SMTN: variants seen among roughly 807,000 people sequenced by gnomAD.
The protein encoded by SMTN is smoothelin.
A neutral mutation model predicts 102.0 loss-of-function variants in SMTN; 58 were observed. The ratio of observed to expected loss-of-function variants is 0.57; its 90% CI spans 0.46 to 0.71. SMTN has a LOEUF of 0.71. Ranked by LOEUF, SMTN falls within the 30% of genes least tolerant of loss-of-function variation. The pLI is 0.00. For synonymous variants in SMTN, 478 were observed against 497.9 expected, an observed-to-expected ratio of 0.96 and a Z score of 0.53; for missense variants, 1,185 against 1,241.7, an observed-to-expected ratio of 0.95 and a Z score of 0.69.
At position 31,081,339 on chromosome 22, in the gene SMTN, C is replaced by G. The variant is rs1202274608; in HGVS notation, c.-198C>G. On this transcript the variant is annotated 5_prime_UTR_variant, in exon 1 of 21. Coordinates refer to ENST00000333137, the MANE Select transcript of SMTN (RefSeq NM_134269.3). ...CTCCGCAGAATCCAGGGGACGGTTG[C>G]TGAGCGGGCCTGGGACAGCGGGTCG... The G allele has an allele frequency of 6.6e-6, 1 of 152,238 alleles. No individual in the cohort carries two copies. Among genetic ancestry groups the G allele is most frequent in the African/African-American group, 2.4e-5 (1 of 41,442 alleles). The allele number at this position is 152,238 out of a possible 1,614,324, so 9.4% of individuals were successfully genotyped here.
At chr22:31,104,064 C>T (rs2044301982) in intron 20 of SMTN, 4 of 520,760 alleles carry the variant, frequency 7.7e-6, no homozygotes, top group Admixed American at 3.1e-5. Flanking sequence ...CCAGGACCTG[C>T]CTGACTGGGA....
chr22:31,091,818 C>A lies in SMTN; in HGVS notation c.1603C>A (p.Pro535Thr), dbSNP rs756557096. The part of the protein sequence containing the change: ...THVTSFSHAP[P>T]SSRGGCSIKM... ...TGTCACCAGCTTCAGCCATGCCCCC[C>A]CCAGTAGCCGAGGAGGCTGCAGCAT... Residue 535 changes from proline to threonine, a missense_variant, in exon 11 of 21, where the codon CCC (proline) becomes ACC (threonine). Coordinates refer to ENST00000333137, the MANE Select transcript of SMTN (RefSeq NM_134269.3). The A allele has an allele frequency of 6.2e-7, 1 of 1,601,602 alleles. No individual in the cohort carries two copies. The highest frequency in any genetic ancestry group is 1.7e-5 in the Admixed American group (1 of 59,254).
intron 11 of SMTN, chr22:31,093,635 C>T (rs1481550246): frequency 2.6e-6 from 2 of 770,982 alleles, no homozygotes; most frequent in East Asian, 2.5e-5. Context: ...GCAGAGAGAG[C>T]AGCACTGAGC....
chr22:31,093,627 A>C (rs919844215), intron 11 of SMTN: 1 of 768,168 alleles, frequency 1.3e-6, no homozygotes, highest in Non-Finnish European at 2.4e-6. Flanking sequence ...AGCTGCGGGC[A>C]GAGAGAGCAG....
chr22:31,074,862 C>T (rs768276070), intron 1 of SMTN, among the ~76,000 whole-genome samples: 2 of 152,134 alleles, frequency 1.3e-5, no homozygotes, highest in Admixed American at 1.3e-4. Context: ...GGAGTCCTAA[C>T]GTTGGGGGCT....
At position 31,090,077 on chromosome 22, in the gene SMTN, C is replaced by T. The variant is rs769357853; in HGVS notation, c.793-31C>T. On this transcript the variant is annotated intron_variant, in intron 7 of 20. Transcript: ENST00000333137. ...AAGTGAGCAGGTCTGGGAGTCAGGC[C>T]TTGCTCAGGCCCTGTTCTTCTCCCT... 5 of 1,611,170 alleles carry T rather than the reference C, an allele frequency of 3.1e-6. No individual in the cohort carries two copies. In the South Asian group the frequency reaches 5.5e-5, roughly 18 times the overall value.
chr22:31,073,011 C>CTTTTT lies in SMTN; in HGVS notation c.-385-7422_-385-7418dup, dbSNP rs59040826. On this transcript the variant is annotated intron_variant, in intron 1 of 3. Transcript: ENST00000422839. ...GCTGAAGTTGATTCTCTCTCTCTCT[C>CTTTTT]TTTTTTTTTTTTTTTTTTTTTGAGA... is the stretch of plus-strand genomic sequence containing the variant. Among the ~76,000 whole-genome samples the CTTTTT allele has an allele frequency of 7.8e-4, 67 of 85,668 alleles. 2 individuals are homozygous for CTTTTT. The highest frequency in any genetic ancestry group is 1.2e-3 in the African/African-American group (23 of 19,622). 56.2% of individuals were successfully genotyped at this position (85,668 alleles called of 152,430 possible). A position where few individuals can be genotyped will look rare whatever the true frequency, so the allele number is the denominator to read the frequency against.
At chr22:31,085,379 C>A in intron 2 of SMTN, 2 of 1,228,850 alleles carry the variant, frequency 1.6e-6, no homozygotes, top group South Asian at 3.1e-5. Flanking sequence ...CTTCCCTCCA[C>A]CGCCGGCGGG....
chr22:31,097,666 T>C (rs911756158), intron 16 of SMTN, among the ~76,000 whole-genome samples: 7 of 151,774 alleles, frequency 4.6e-5, no homozygotes, highest in Non-Finnish European at 8.8e-5. Flanking sequence ...ATCACTCCAC[T>C]GCACTCCAGT....
At chr22:31,085,113 G>A in intron 2 of SMTN, 1 of 1,535,330 alleles carries the variant, frequency 6.5e-7, no homozygotes, top group Non-Finnish European at 8.7e-7. Context: ...CACGCCGCGT[G>A]CCCCTCCACC....
chr22:31,099,044 CTG>C lies in SMTN; in HGVS notation c.2334-17_2334-16del. On this transcript the variant is annotated splice_polypyrimidine_tract_variant and intron_variant, in intron 17 of 20. Transcript: ENST00000333137. The stretch of plus-strand genomic sequence containing the variant: ...CCCCTTATAGTCGTGTGACCTGGTC[CTG>C]ACACCGCCCCTACAGCAGCCCTGGC... 1 of 1,606,922 alleles carries C rather than the reference CTG, an allele frequency of 6.2e-7. No individual in the cohort carries two copies. Among genetic ancestry groups the C allele is most frequent in the South Asian group, 1.1e-5 (1 of 91,028 alleles).
chr22:31,098,969 G>T (rs2043852759), intron 17 of SMTN, 93 bp from the exon 18 acceptor site: 5 of 1,538,056 alleles, frequency 3.3e-6, no homozygotes, highest in Admixed American at 1.7e-5. Flanking sequence ...AGGCCCGAAG[G>T]TCATGGAAGG....
intron 20 of SMTN, 132 bp from the exon 21 acceptor site, chr22:31,104,184 G>C: frequency 9.3e-7 from 1 of 1,072,072 alleles, no homozygotes. Context: ...TGCCTTCCTG[G>C]AAGGCTTTTC....
upstream of SMTN, chr22:31,081,292 T>G (rs890995389): frequency 6.6e-6 from 1 of 152,188 alleles, no homozygotes; most frequent in Non-Finnish European, 1.5e-5. Flanking sequence ...GCCGGGCTGC[T>G]GGCGCGGCTG....
chr22:31,087,978 C>T lies in SMTN; in HGVS notation c.65C>T (p.Ala22Val). ...CACCCACTGCAGCTGGAGGTCACAG[C>T]AGATCTGGCAGAGCGGCGGCGCATC... ...GALRKLLEVTADLAERRRIRS... is the reference protein window; with the variant it reads ...GALRKLLEVTVDLAERRRIRS... Residue 22 changes from alanine to valine, a missense_variant, in exon 3 of 21, where the codon GCA (alanine) becomes GTA (valine). Ala to Val is a moderately conservative substitution (Grantham distance 64). Around this residue, in one of 2 missense-constraint regions of SMTN, gnomAD observed 1,096 missense variants for 1,112.7 expected, o/e 0.98. Transcript: ENST00000333137. 2 of 1,601,380 alleles carry T rather than the reference C, an allele frequency of 1.2e-6. No individual in the cohort carries two copies. The highest frequency in any genetic ancestry group is 2.2e-5 in the South Asian group (2 of 90,418).
upstream of SMTN, among the ~76,000 whole-genome samples, chr22:31,076,898 G>A (rs1420541816): frequency 6.6e-6 from 1 of 152,194 alleles, no homozygotes; most frequent in Non-Finnish European, 1.5e-5. Context: ...CAGCCCCTGA[G>A]CTGCTCCAGA....
rs915130945 is a variant in SMTN, at chr22:31,104,574, TC to T, written c.*286del. ...CGCTGCCCTGTCTGTTGCGACACCC[TC>T]CCCCCCACATACACACGCAGCGTTT... On this transcript the variant is annotated 3_prime_UTR_variant, in exon 21 of 21. Coordinates refer to ENST00000333137, the MANE Select transcript of SMTN (RefSeq NM_134269.3). The T allele has an allele frequency of 2.6e-5, 28 of 1,076,668 alleles. No homozygotes were observed. The highest frequency in any genetic ancestry group is 7.8e-5 in the African/African-American group (5 of 64,248). 66.7% of individuals were successfully genotyped at this position (1,076,668 alleles called of 1,614,324 possible). A position where few individuals can be genotyped will look rare whatever the true frequency, so the allele number is the denominator to read the frequency against.
chr22:31,091,290 G>C lies in SMTN; in HGVS notation c.1267G>C (p.Ala423Pro). ...GGGCCCCAGGGGGCGGGGCTTGGCT[G>C]CTAGGCCCCTTGAAAACAGAGCAGG... ...EEGPRGRGLA[A>P]RPLENRAGGP... Residue 423 changes from alanine to proline, a missense_variant, in exon 10 of 21, where the codon GCT (alanine) becomes CCT (proline). Transcript: ENST00000333137. 6.3e-7 allele frequency: 1 copy of C among 1,599,764 alleles called. No individual in the cohort carries two copies. Among genetic ancestry groups the C allele is most frequent in the Non-Finnish European group, 8.5e-7 (1 of 1,174,030 alleles).
At chr22:31,098,907 A>T in intron 17 of SMTN, 67 bp downstream of exon 17, 1 of 1,556,106 alleles carries the variant, frequency 6.4e-7, no homozygotes, top group Non-Finnish European at 8.7e-7. Flanking sequence ...GCGGGGCTTG[A>T]TAGTTGGCCC....
Sources: gnomAD v4.1 joint callset for allele counts (sites outside exome capture counted in the v4.1 genomes callset) on GRCh38, gnomAD v4.1.1 for gene constraint, gnomAD v4.1.1 regional missense constraint, MANE v1.5 for transcripts, NCBI Gene and HGNC (gene_info 2026-07-23, HGNC 2026-07-21) for gene names.